ZCWPW1: variants seen among roughly 807,000 people sequenced by gnomAD.
ZCWPW1 encodes the protein zinc finger CW-type PWWP domain protein 1.
In ZCWPW1, 56 loss-of-function variants were observed where a neutral mutation model predicts 81.3. That is an observed-to-expected ratio of 0.69 (90% CI 0.56 to 0.86). The LOEUF (loss-of-function observed/expected upper bound fraction) is 0.86, where lower values mean the gene tolerates loss of function less well. Ranked by LOEUF, ZCWPW1 falls within the 40% of genes least tolerant of loss-of-function variation. ZCWPW1 has a pLI of 0.00. For missense variants in ZCWPW1, 650 were observed against 769.8 expected, an observed-to-expected ratio of 0.84 and a Z score of 1.84; for synonymous variants, 250 against 273.7, an observed-to-expected ratio of 0.91 and a Z score of 0.86.
intron 8 of ZCWPW1, among the ~76,000 whole-genome samples, chr7:100,411,641 A>T (rs1209837204): frequency 6.6e-6 from 1 of 152,178 alleles, no homozygotes; most frequent in Non-Finnish European, 1.5e-5. Context: ...AGTTGCCAAT[A>T]GTAGTTTTGG....
Position 100,420,532 on chromosome 7 carries a change from G to T in ZCWPW1, c.28+90C>A. 2.0e-6 allele frequency: 3 copies of T among 1,504,574 alleles called. No homozygotes were observed. The Admixed American group carries it at 5.1e-5, about 26-fold the overall frequency. The allele number at this position is 1,504,574 out of a possible 1,614,324, so 93.2% of individuals were successfully genotyped here. On this transcript the variant is annotated intron_variant, in intron 3 of 17. Transcript: ENST00000684423. Reference sequence around the variant, plus strand: ...TGACCTGAGTGGGCACAGAATATAGGGACCCGTACCATCCTTTGGTGGAAA... The same window carrying T: ...TGACCTGAGTGGGCACAGAATATAGTGACCCGTACCATCCTTTGGTGGAAA...
At chr7:100,404,271 C>G in intron 13 of ZCWPW1, 27 bp from the exon 14 acceptor site, 1 of 1,609,014 alleles carries the variant, frequency 6.2e-7, no homozygotes, top group Non-Finnish European at 8.5e-7. Flanking sequence ...ACAAAAGCAT[C>G]ATCCACTACC....
chr7:100,402,800 T>C (rs1792202567), intron 15 of ZCWPW1, among the ~76,000 whole-genome samples: 1 of 151,832 alleles, frequency 6.6e-6, no homozygotes, highest in Admixed American at 6.6e-5. Context: ...AAGAAGGAAA[T>C]AAAGCTAGGC....
intron 12 of ZCWPW1, among the ~76,000 whole-genome samples, chr7:100,405,523 A>G (rs1057013417): frequency 3.3e-5 from 5 of 152,188 alleles, no homozygotes; most frequent in African/African-American, 1.2e-4. Flanking sequence ...CTTCGACTAC[A>G]GTATTTATTT....
intron 16 of ZCWPW1, 40 bp from the exon 17 acceptor site, chr7:100,402,081 C>A: frequency 6.4e-7 from 1 of 1,572,126 alleles, no homozygotes; most frequent in South Asian, 1.2e-5. Context: ...CTCTAAACGA[C>A]AACTCGGCAA....
intron 8 of ZCWPW1, among the ~76,000 whole-genome samples, chr7:100,409,872 T>C (rs184469936): frequency 2.0e-5 from 3 of 152,340 alleles, no homozygotes; most frequent in Admixed American, 1.3e-4. Context: ...AATTGAAAGG[T>C]TGCCTGGCAT....
chr7:100,409,142 C>A (rs537073267), intron 9 of ZCWPW1, among the ~76,000 whole-genome samples: 5 of 152,058 alleles, frequency 3.3e-5, no homozygotes, highest in Non-Finnish European at 7.4e-5. Context: ...CCCTATCCAC[C>A]AACCCAATAC....
intron 2 of ZCWPW1, among the ~76,000 whole-genome samples, chr7:100,424,730 G>A (rs959575995): frequency 6.6e-6 from 1 of 152,136 alleles, no homozygotes. Context: ...AAAGTGCTGG[G>A]ATTACAGGCA....
At chr7:100,408,108 G>A (rs775542672) in intron 10 of ZCWPW1, among the ~76,000 whole-genome samples, 8 of 152,040 alleles carry the variant, frequency 5.3e-5, no homozygotes, top group East Asian at 1.9e-4. Flanking sequence ...GCGCCACCAC[G>A]TCTGGCTAAT....
intron 8 of ZCWPW1, among the ~76,000 whole-genome samples, chr7:100,410,414 A>G (rs569627526): frequency 2.0e-5 from 3 of 152,234 alleles, no homozygotes; most frequent in African/African-American, 7.2e-5. Flanking sequence ...GTCTCTTGGG[A>G]CAGAAAGTCA....
rs546099603 is a variant in ZCWPW1 at position 100,417,977 on chromosome 7, C to G, written c.362-794G>C. Among the ~76,000 whole-genome samples, 10 of 151,998 alleles carry G rather than the reference C, an allele frequency of 6.6e-5. No homozygotes were observed. In the East Asian group the frequency reaches 1.8e-3, roughly 27 times the overall value. ...TCGGCTCACTGCAACTTCCGCCTCC[C>G]AGGTTCAAGCGATTCTCGTGCCTCA... On this transcript the variant is annotated intron_variant, in intron 5 of 17. Coordinates refer to ENST00000684423, the MANE Select transcript of ZCWPW1 (RefSeq NM_001386010.1).
rs1025628907 is a variant in ZCWPW1 at position 100,403,868 on chromosome 7, C to T, written c.1322-83G>A. The T allele has an allele frequency of 1.1e-4, 148 of 1,361,760 alleles. 1 individual carries two copies. In the African/African-American group the frequency reaches 2.0e-3, roughly 19 times the overall value. 84.4% of individuals were successfully genotyped at this position (1,361,760 alleles called of 1,614,324 possible). On this transcript the variant is annotated intron_variant, in intron 14 of 17. Coordinates refer to ENST00000684423, the MANE Select transcript of ZCWPW1 (RefSeq NM_001386010.1). ...ATGAAGCTGATCACAAAGAATCTGT[C>T]TTCTAACTGTGCCTTTTGTGTACAA...
chr7:100,414,302 C>A (rs534774428), intron 8 of ZCWPW1, among the ~76,000 whole-genome samples: 1 of 152,198 alleles, frequency 6.6e-6, no homozygotes, highest in Non-Finnish European at 1.5e-5. Flanking sequence ...TTAGACACTA[C>A]GTAACTTTTT....
chr7:100,400,932 C>T lies in ZCWPW1; in HGVS notation c.*82G>A. ...ACCACACACATTTGAACCTCATAGC[C>T]AATGAACAGACCCAGCACTTAGCAA... On this transcript the variant is annotated 3_prime_UTR_variant, in exon 18 of 18. Coordinates refer to ENST00000684423, the MANE Select transcript of ZCWPW1 (RefSeq NM_001386010.1). The T allele has an allele frequency of 1.4e-6, 2 of 1,404,548 alleles. No homozygotes were observed. The highest frequency in any genetic ancestry group is 1.9e-6 in the Non-Finnish European group (2 of 1,057,494). 87.0% of individuals were successfully genotyped at this position (1,404,548 alleles called of 1,614,324 possible). A position where few individuals can be genotyped will look rare whatever the true frequency, so the allele number is the denominator to read the frequency against.
chr7:100,416,979 C>T, intron 6 of ZCWPW1, 87 bp downstream of exon 6: 1 of 972,290 alleles, frequency 1.0e-6, no homozygotes, highest in Non-Finnish European at 1.6e-6. Context: ...TGATAAATGA[C>T]CAGATAGACA....
chr7:100,405,970 A>C (rs1457202336), intron 12 of ZCWPW1, among the ~76,000 whole-genome samples: 1 of 152,164 alleles, frequency 6.6e-6, no homozygotes, highest in Non-Finnish European at 1.5e-5. Context: ...TCCAAAGTGA[A>C]TCCCATGGAA....
intron 16 of ZCWPW1, 59 bp downstream of exon 16, chr7:100,402,457 C>G: frequency 6.3e-7 from 1 of 1,587,224 alleles, no homozygotes; most frequent in Non-Finnish European, 8.7e-7. Flanking sequence ...CAGACTCCCT[C>G]TCTACCACTT....
chr7:100,428,466 C>T (rs1314066489), intron 1 of ZCWPW1, 102 bp downstream of exon 1: 2 of 152,290 alleles, frequency 1.3e-5, no homozygotes, highest in South Asian at 2.1e-4. Flanking sequence ...CCTGATTGTT[C>T]CTGAAGCACA....
At chr7:100,418,209 A>G (rs934101633) in intron 5 of ZCWPW1, among the ~76,000 whole-genome samples, 30 of 152,146 alleles carry the variant, frequency 2.0e-4, no homozygotes, top group African/African-American at 7.0e-4. Context: ...CTTTATTCCA[A>G]AAACTAAATC....
Sources: allele counts gnomAD v4.1 joint callset (sites outside exome capture counted in the v4.1 genomes callset), GRCh38; gene constraint gnomAD v4.1.1; transcripts MANE v1.5; gene names NCBI Gene and HGNC (gene_info 2026-07-23, HGNC 2026-07-21).